LPAR1: variants seen among roughly 807,000 people sequenced by gnomAD.
The protein encoded by LPAR1 is lysophosphatidic acid receptor 1, also known as LPA receptor 1.
Under a neutral mutation model 23.8 loss-of-function variants are expected in LPAR1, and 5 were observed. The ratio of observed to expected loss-of-function variants is 0.21; its 90% CI spans 0.11 to 0.44. LPAR1 has a LOEUF of 0.44. Ranked by LOEUF, LPAR1 falls within the 20% of genes least tolerant of loss-of-function variation. The pLI, the probability that LPAR1 is intolerant of heterozygous loss-of-function variation, is 0.99. For synonymous variants in LPAR1, 160 were observed against 164.7 expected (o/e 0.97, Z 0.22); for missense variants, 311 against 482.8 (o/e 0.64, Z 3.33).
chr9:111,012,547 G>C (rs545750811), intron 2 of LPAR1, among the ~76,000 whole-genome samples: 1 of 151,924 alleles, frequency 6.6e-6, no homozygotes, highest in Non-Finnish European at 1.5e-5. Context: ...ATCTGGGTTG[G>C]TCTCAGTTGA....
intron 5 of LPAR1, among the ~76,000 whole-genome samples, chr9:110,891,846 C>T (rs960032519): frequency 4.6e-5 from 7 of 152,212 alleles, no homozygotes; most frequent in Non-Finnish European, 7.3e-5. Flanking sequence ...TGAGATACGA[C>T]TGCACACCCA....
intron 5 of LPAR1, among the ~76,000 whole-genome samples, chr9:110,940,418 CA>C (rs796253291): frequency 4.6e-5 from 7 of 152,240 alleles, no homozygotes; most frequent in Admixed American, 1.3e-4. Context: ...AATTGGAGCA[CA>C]GAGAATTATA....
chr9:110,918,809 T>G (rs2134967245), intron 5 of LPAR1, among the ~76,000 whole-genome samples: 1 of 152,340 alleles, frequency 6.6e-6, no homozygotes, highest in South Asian at 2.1e-4. Context: ...AGTATACATT[T>G]AAATACATAA....
intron 2 of LPAR1, among the ~76,000 whole-genome samples, chr9:111,028,558 G>A (rs2141418036): frequency 6.7e-6 from 1 of 149,408 alleles, no homozygotes; most frequent in East Asian, 1.9e-4. Flanking sequence ...TATCTTGCAT[G>A]CAAAAAGGCA....
chr9:110,881,531 C>T (rs554907949), intron 5 of LPAR1, among the ~76,000 whole-genome samples: 108 of 152,182 alleles, frequency 7.1e-4, no homozygotes, highest in Non-Finnish European at 1.0e-3. Context: ...GTATTGCGCA[C>T]GTACAAGTTC....
rs1306683871 is a variant in LPAR1 at position 110,992,635 on chromosome 9, C to G, written c.-181-19077G>C. Among the ~76,000 whole-genome samples the G allele has an allele frequency of 3.9e-5, 6 of 152,146 alleles. No individual in the cohort carries two copies. In the East Asian group the frequency reaches 9.6e-4, roughly 24 times the overall value. On this transcript the variant is annotated intron_variant, in intron 2 of 5. Coordinates refer to ENST00000683809, the MANE Select transcript of LPAR1 (RefSeq NM_001351411.2). ...GACAAATTGTTATGTATCCATAAAACAGAAGACTACCCAGCAATAAAAACA... is the reference window on the plus strand; with the variant it reads ...GACAAATTGTTATGTATCCATAAAAGAGAAGACTACCCAGCAATAAAAACA...
chr9:111,023,308 T>C (rs897833595), intron 2 of LPAR1, among the ~76,000 whole-genome samples: 1 of 152,144 alleles, frequency 6.6e-6, no homozygotes, highest in African/African-American at 2.4e-5. Flanking sequence ...CTTCTGTTAC[T>C]ATTTCTTCCA....
intron 2 of LPAR1, among the ~76,000 whole-genome samples, chr9:110,979,390 G>A (rs1297850914): frequency 1.3e-5 from 2 of 151,656 alleles, no homozygotes; most frequent in African/African-American, 4.8e-5. Context: ...TAGAATTCCA[G>A]AATAAAAGAG....
rs573742394 is a variant in LPAR1 at position 110,926,853 on chromosome 9, T to C, written c.793+14568A>G. Among the ~76,000 whole-genome samples, 15 of 152,322 alleles carry C rather than the reference T, an allele frequency of 9.8e-5. No homozygotes were observed. In the South Asian group the frequency reaches 2.7e-3, roughly 27 times the overall value. ...GGAAAAGGTGAAAAGGGTTTTAAAA[T>C]TGAGCAAGGACAGGTTGAATGCCAT... On this transcript the variant is annotated intron_variant, in intron 5 of 5. Transcript: ENST00000683809.
intron 2 of LPAR1, among the ~76,000 whole-genome samples, chr9:111,008,936 T>C (rs369773810): frequency 6.6e-6 from 1 of 152,134 alleles, no homozygotes; most frequent in East Asian, 1.9e-4. Context: ...TGAGCTTACA[T>C]TGGGAGAATG....
intron 4 of LPAR1, among the ~76,000 whole-genome samples, chr9:110,957,671 T>A (rs2095809722): frequency 6.6e-6 from 1 of 152,154 alleles, no homozygotes; most frequent in Admixed American, 6.5e-5. Context: ...TTCTAAGAAC[T>A]GGAACAACAC....
chr9:110,909,189 C>T (rs909833556), intron 5 of LPAR1, among the ~76,000 whole-genome samples: 1 of 152,192 alleles, frequency 6.6e-6, no homozygotes, highest in Non-Finnish European at 1.5e-5. Flanking sequence ...TCTGAGCTCC[C>T]ATCTCCTCAG....
At chr9:110,981,772 A>C (rs759412221) in intron 2 of LPAR1, among the ~76,000 whole-genome samples, 4 of 152,178 alleles carry the variant, frequency 2.6e-5, no homozygotes, top group Non-Finnish European at 5.9e-5. Flanking sequence ...CAAATAAACA[A>C]ATTTACAAGA....
intron 4 of LPAR1, among the ~76,000 whole-genome samples, chr9:110,952,603 A>G (rs1311092709): frequency 6.6e-6 from 1 of 152,090 alleles, no homozygotes; most frequent in Non-Finnish European, 1.5e-5. Flanking sequence ...AACACACTTA[A>G]AAGTGCCCTG....
At chr9:110,925,221 T>C (rs2093922530) in intron 5 of LPAR1, among the ~76,000 whole-genome samples, 1 of 150,638 alleles carries the variant, frequency 6.6e-6, no homozygotes, top group Non-Finnish European at 1.5e-5. Flanking sequence ...ATTTTGGATA[T>C]AGATATAGAT....
At chr9:111,032,590 A>G (rs1055288814) in intron 2 of LPAR1, among the ~76,000 whole-genome samples, 2 of 152,140 alleles carry the variant, frequency 1.3e-5, no homozygotes, top group African/African-American at 4.8e-5. Flanking sequence ...CCCTCCAAAG[A>G]CCCAGGAATA....
chr9:110,998,317 AG>A (rs1214891992), intron 2 of LPAR1, among the ~76,000 whole-genome samples: 2 of 152,228 alleles, frequency 1.3e-5, no homozygotes, highest in Non-Finnish European at 2.9e-5. Context: ...CTGGCAGAAA[AG>A]GCAAATTTGG....
At chr9:110,995,507 C>T (rs1415349838) in intron 2 of LPAR1, among the ~76,000 whole-genome samples, 1 of 152,104 alleles carries the variant, frequency 6.6e-6, no homozygotes, top group Non-Finnish European at 1.5e-5. Context: ...ATTGAAAACC[C>T]TCTTGGCAAT....
chr9:110,909,598 C>T (rs910673516), intron 5 of LPAR1, among the ~76,000 whole-genome samples: 1 of 152,316 alleles, frequency 6.6e-6, no homozygotes, highest in South Asian at 2.1e-4. Context: ...TCTTCTCCAG[C>T]AGCATGTGCT....
Sources: gnomAD v4.1 joint callset for allele counts (sites outside exome capture counted in the v4.1 genomes callset) on GRCh38, gnomAD v4.1.1 for gene constraint, MANE v1.5 for transcripts, NCBI Gene and HGNC (gene_info 2026-07-23, HGNC 2026-07-21) for gene names.